Variants in HUWE1 observed in about 807,000 individuals in gnomAD.
HUWE1 encodes the protein HECT, UBA and WWE domain containing E3 ubiquitin protein ligase 1.
In HUWE1, 18 loss-of-function variants were observed where a neutral mutation model predicts 299.4. The ratio of observed to expected loss-of-function variants is 0.06; its 90% CI spans 0.04 to 0.09. HUWE1 has a LOEUF of 0.09. Among genes scored for constraint, HUWE1 ranks in the 10% least tolerant of loss-of-function variants. The pLI is 1.00. For synonymous variants in HUWE1, 1,317 were observed against 1,286.1 expected (o/e 1.02, Z -0.51); for missense variants, 1,832 against 3,462.3 (o/e 0.53, Z 11.82).
chrX:53,656,855 G>C (rs1287545799), intron 3 of HUWE1, among the ~76,000 whole-genome samples: 1 of 110,155 alleles, frequency 9.1e-6, no homozygotes, highest in Non-Finnish European at 1.9e-5. Context: ...AGTATCAATA[G>C]AGCAGAATAG....
intron 17 of HUWE1, chrX:53,625,793 G>GGGGCCA (rs1290765126): frequency 8.2e-6 from 1 of 122,559 alleles, no homozygotes; most frequent in Non-Finnish European, 1.8e-5. Context: ...CACCAGGACG[G>GGGGCCA]GGGCCAGGGC....
intron 3 of HUWE1, among the ~76,000 whole-genome samples, chrX:53,665,121 A>T (rs1422261942): frequency 9.0e-6 from 1 of 111,364 alleles, no homozygotes; most frequent in Admixed American, 9.5e-5. Flanking sequence ...CATTGCACAT[A>T]ATGTCTATAT....
chrX:53,652,345 T>C (rs1248220452), intron 4 of HUWE1, among the ~76,000 whole-genome samples: 1 of 112,062 alleles, frequency 8.9e-6, no homozygotes, highest in Non-Finnish European at 1.9e-5. Flanking sequence ...TTATCTAAAA[T>C]TTATCGCAAT....
At position 53,545,179 on chromosome X, in the gene HUWE1, T is replaced by A. The variant is rs1569417656; in HGVS notation, c.10916-18A>T. On this transcript the variant is annotated intron_variant, in intron 70 of 83. Transcript: ENST00000262854. ...CAGGGTACCTGAGCAGGCAGAGGAG[T>A]CAGCAAGTGTTCAGAGACTCCCCTG... 8.3e-7 allele frequency: 1 copy of A among 1,206,654 alleles called. No homozygotes were observed.
intron 28 of HUWE1, among the ~76,000 whole-genome samples, chrX:53,602,045 C>T (rs1385802439): frequency 9.0e-6 from 1 of 111,576 alleles, no homozygotes; most frequent in Non-Finnish European, 1.9e-5. Context: ...AGAAATATAA[C>T]ATGAAACACA....
intron 25 of HUWE1, among the ~76,000 whole-genome samples, 196 bp from the exon 26 acceptor site, chrX:53,605,030 G>A (rs1410238319): frequency 8.9e-6 from 1 of 111,792 alleles, no homozygotes; most frequent in African/African-American, 3.3e-5. Context: ...TCTTTCTAGA[G>A]CAACACACTA....
chrX:53,677,460 G>C (rs1017221295), intron 3 of HUWE1, among the ~76,000 whole-genome samples: 1 of 110,168 alleles, frequency 9.1e-6, no homozygotes, highest in Admixed American at 9.8e-5. Flanking sequence ...GACACACCTG[G>C]TAAGAAATGG....
In HUWE1 at chrX:53,533,383, C is replaced by T; in HGVS notation, c.13051G>A (p.Glu4351Lys). ...ATGTGGCGGAGCTTCTCAAAGCTCT[C>T]ATAGGCAGGCAGATCCAGCTGATTA... is the stretch of plus-strand genomic sequence containing the variant. ...CFNQLDLPAYESFEKLRHMLL... is the reference protein window; with the variant it reads ...CFNQLDLPAYKSFEKLRHMLL... Residue 4351 changes from glutamate to lysine, a missense_variant, in exon 84 of 84, where the codon GAG becomes AAG. Glu to Lys is a moderately conservative substitution (Grantham distance 56, BLOSUM62 1). Around this residue, in one of 15 missense-constraint regions of HUWE1, gnomAD observed 129 missense variants for 439.4 expected, o/e 0.29. Transcript: ENST00000262854. 1 of 1,201,756 alleles carries T rather than the reference C, an allele frequency of 8.3e-7. No homozygotes were observed.
At chrX:53,647,821 G>C (rs782527589) in intron 5 of HUWE1, among the ~76,000 whole-genome samples, 1 of 112,067 alleles carries the variant, frequency 8.9e-6, no homozygotes, top group South Asian at 3.7e-4. Context: ...TCTTTAGATG[G>C]AGAACTCCGG....
Position 53,585,069 on chromosome X carries a change from G to A in HUWE1, c.4944C>T (p.Ser1648=), listed in dbSNP as rs1556972005. 4.1e-6 allele frequency: 5 copies of A among 1,211,860 alleles called. No individual in the cohort carries two copies. The highest frequency in any genetic ancestry group is 4.3e-5 in the Admixed American group (2 of 46,055). The change falls in exon 40 of 84, where the codon AGC becomes AGT. Residue 1648 remains serine (S), a synonymous_variant. Coordinates refer to ENST00000262854, the MANE Select transcript of HUWE1 (RefSeq NM_031407.7). ...IDSAWKSGET[S]VRFTAGRRRY... The stretch of plus-strand genomic sequence containing the variant: ...TTCTTCGGCCTGCAGTGAATCGCAC[G>A]CTTGTCTCTCCAGATTTCCAGGCAG...
chrX:53,634,379 G>A lies in HUWE1; in HGVS notation c.505-81C>T, dbSNP rs1296214447. 16 of 651,105 alleles carry A rather than the reference G, an allele frequency of 2.5e-5. No individual in the cohort carries two copies. The East Asian group carries it at 4.2e-4, about 17-fold the overall frequency. The allele number at this position is 651,105 out of a possible 1,213,427, so 53.7% of individuals were successfully genotyped here. On this transcript the variant is annotated intron_variant, in intron 7 of 83. Coordinates refer to ENST00000262854, the MANE Select transcript of HUWE1 (RefSeq NM_031407.7). ...TGCACTCCAGCCTAGGCAACAGAGT[G>A]AGACCTTATCTCTCTTTCTCTCTAT...
intron 47 of HUWE1, among the ~76,000 whole-genome samples, chrX:53,573,429 G>A (rs782499358): frequency 9.0e-6 from 1 of 111,370 alleles, no homozygotes. Context: ...TCAGCCTCCC[G>A]AATAGCTGGA....
At chrX:53,552,958 G>T in intron 61 of HUWE1, 65 bp from the exon 62 acceptor site, 1 of 1,134,377 alleles carries the variant, frequency 8.8e-7, no homozygotes, top group South Asian at 1.9e-5. Flanking sequence ...GACAGATAAG[G>T]TCTTTGATAG....
intron 48 of HUWE1, among the ~76,000 whole-genome samples, chrX:53,569,227 A>C (rs978276056): frequency 1.8e-5 from 2 of 112,058 alleles, no homozygotes; most frequent in Non-Finnish European, 3.8e-5. Context: ...CCATGTTGCC[A>C]AGGCTGGTCT....
At chrX:53,664,647 A>G (rs782373122) in intron 3 of HUWE1, among the ~76,000 whole-genome samples, 2 of 111,955 alleles carry the variant, frequency 1.8e-5, no homozygotes, top group Non-Finnish European at 3.8e-5. Flanking sequence ...CTTAGAGAAA[A>G]CTAAACTCCA....
At chrX:53,633,755 A>T (rs949465040) in intron 8 of HUWE1, among the ~76,000 whole-genome samples, 2 of 112,170 alleles carry the variant, frequency 1.8e-5, no homozygotes, top group Non-Finnish European at 3.8e-5. Context: ...GCCTGAGCTC[A>T]TAACTTAAAC....
rs369184785 is a variant in HUWE1, at chrX:53,558,806, A to G, written c.8009T>C (p.Val2670Ala). ...AESMHDCVSVVKVSIVNHLEF... is the reference protein window; with the variant it reads ...AESMHDCVSVAKVSIVNHLEF... The stretch of plus-strand genomic sequence containing the variant: ...CAGGTGATTGACAATGGACACTTTA[A>G]CCACTGTTTCAAAGAGGCAAAAATC... Residue 2670 changes from valine (V) to alanine (A), a missense_variant, in exon 59 of 84, where the codon GTT becomes GCT. Around this residue, in one of 15 missense-constraint regions of HUWE1, gnomAD observed 170 missense variants for 335.8 expected, o/e 0.51. Coordinates refer to ENST00000262854, the MANE Select transcript of HUWE1 (RefSeq NM_031407.7). 2 of 1,209,479 alleles carry G rather than the reference A, an allele frequency of 1.7e-6. No individual in the cohort carries two copies. The highest frequency in any genetic ancestry group is 3.5e-5 in the African/African-American group (2 of 57,076).
At chrX:53,594,668 G>C in intron 30 of HUWE1, 47 bp from the exon 31 acceptor site, 1 of 1,178,127 alleles carries the variant, frequency 8.5e-7, no homozygotes, top group Non-Finnish European at 1.2e-6. Context: ...GTAAAGCAGA[G>C]ACAGAAGCAA....
intron 19 of HUWE1, among the ~76,000 whole-genome samples, chrX:53,618,923 T>C (rs1464221210): frequency 1.8e-5 from 2 of 108,874 alleles, no homozygotes; most frequent in Non-Finnish European, 3.8e-5. Flanking sequence ...ACCAAGCCAA[T>C]AGTTTTATTA....
Sources: gnomAD v4.1 joint callset for allele counts (sites outside exome capture counted in the v4.1 genomes callset) on GRCh38, gnomAD v4.1.1 for gene constraint, gnomAD v4.1.1 regional missense constraint, MANE v1.5 for transcripts, NCBI Gene and HGNC (gene_info 2026-07-23, HGNC 2026-07-21) for gene names.